Variants in OSBPL1A observed in about 807,000 individuals in gnomAD.
OSBPL1A encodes the protein oxysterol binding protein like 1A.
Under a neutral mutation model 137.1 loss-of-function variants are expected in OSBPL1A, and 80 were observed. The ratio of observed to expected loss-of-function variants is 0.58; its 90% CI spans 0.49 to 0.70. The LOEUF is 0.70. OSBPL1A is among the 30% of genes least tolerant of loss of function. The pLI, the probability that OSBPL1A is intolerant of heterozygous loss-of-function variation, is 0.00. For synonymous variants in OSBPL1A, 365 were observed against 389.7 expected (o/e 0.94, Z 0.75); for missense variants, 970 against 1,129.4 (o/e 0.86, Z 2.02).
At chr18:24,308,378 T>TAAA (rs528492523) in intron 13 of OSBPL1A, among the ~76,000 whole-genome samples, 2 of 141,448 alleles carry the variant, frequency 1.4e-5, no homozygotes, top group African/African-American at 2.6e-5. Context: ...GCCTCAAAAT[T>TAAA]AAAAAAAAAA....
At chr18:24,355,985 CAAAA>C (rs200338021) in intron 4 of OSBPL1A, among the ~76,000 whole-genome samples, 1 of 97,416 alleles carries the variant, frequency 1.0e-5, no homozygotes. Flanking sequence ...ACTCTTGTCT[CAAAA>C]AAAAAAAAAA....
At chr18:24,342,742 A>G (rs948810675) in intron 4 of OSBPL1A, among the ~76,000 whole-genome samples, 16 of 152,148 alleles carry the variant, frequency 1.1e-4, no homozygotes, top group Admixed American at 2.0e-4. Flanking sequence ...TTTCTTACTA[A>G]TCAATTTCCC....
At chr18:24,195,251 T>C (rs1457238930) in intron 18 of OSBPL1A, among the ~76,000 whole-genome samples, 4 of 151,894 alleles carry the variant, frequency 2.6e-5, no homozygotes, top group Non-Finnish European at 2.9e-5. Flanking sequence ...CAGTGAGCCA[T>C]GAGGGCACCA....
chr18:24,345,983 T>C (rs1442114136), intron 4 of OSBPL1A, among the ~76,000 whole-genome samples: 2 of 152,214 alleles, frequency 1.3e-5, no homozygotes, highest in Non-Finnish European at 2.9e-5. Flanking sequence ...ACTGAAAATA[T>C]TCCTGGCTAA....
At chr18:24,337,375 T>TTAACGTAACA (rs1555652914) in intron 5 of OSBPL1A, among the ~76,000 whole-genome samples, 1 of 141,314 alleles carries the variant, frequency 7.1e-6, no homozygotes, top group African/African-American at 2.7e-5. Context: ...AAACATAACA[T>TTAACGTAACA]TAACATAACA....
At chr18:24,241,783 C>T (rs1327684073) in intron 15 of OSBPL1A, among the ~76,000 whole-genome samples, 1 of 152,140 alleles carries the variant, frequency 6.6e-6, no homozygotes, top group African/African-American at 2.4e-5. Flanking sequence ...TGGGTATATA[C>T]CCAAAGGAGT....
In OSBPL1A at chr18:24,166,560, T is replaced by A; in HGVS notation, c.2659+19A>T. 6.3e-7 allele frequency: 1 copy of A among 1,598,828 alleles called. No homozygotes were observed. The highest frequency in any genetic ancestry group is 8.5e-7 in the Non-Finnish European group (1 of 1,175,210). ...CGAGAAATGAGTCTTCACTGGTGGC[T>A]TTGGCGGATGCTAGTTACCTATCTC... is the stretch of plus-strand genomic sequence containing the variant. On this transcript the variant is annotated intron_variant, in intron 26 of 27. Transcript: ENST00000319481.
At chr18:24,267,725 C>A (rs1329537261) in intron 15 of OSBPL1A, among the ~76,000 whole-genome samples, 1 of 152,052 alleles carries the variant, frequency 6.6e-6, no homozygotes, top group African/African-American at 2.4e-5. Context: ...TAAAACTCAA[C>A]ACCCTTTAAT....
At chr18:24,294,516 G>A (rs992606099) in intron 14 of OSBPL1A, among the ~76,000 whole-genome samples, 19 of 152,148 alleles carry the variant, frequency 1.2e-4, no homozygotes, top group African/African-American at 2.4e-4. Context: ...TTACAGGCGT[G>A]AGCCACTGTG....
intron 16 of OSBPL1A, among the ~76,000 whole-genome samples, chr18:24,228,907 A>G (rs925693258): frequency 6.6e-6 from 1 of 152,120 alleles, no homozygotes; most frequent in African/African-American, 2.4e-5. Flanking sequence ...GGATAAATAA[A>G]AAGCAAACAC....
chr18:24,187,239 G>A (rs2086774315), intron 18 of OSBPL1A, among the ~76,000 whole-genome samples: 1 of 152,092 alleles, frequency 6.6e-6, no homozygotes, highest in African/African-American at 2.4e-5. Context: ...TGATGAAGGG[G>A]AAGTAGGGAA....
chr18:24,187,490 C>T (rs1213528160), intron 18 of OSBPL1A, among the ~76,000 whole-genome samples: 1 of 152,148 alleles, frequency 6.6e-6, no homozygotes, highest in Non-Finnish European at 1.5e-5. Flanking sequence ...CTACCTACTG[C>T]TTGCGTGGCA....
intron 4 of OSBPL1A, among the ~76,000 whole-genome samples, chr18:24,351,659 C>A (rs1443889604): frequency 1.3e-5 from 2 of 152,140 alleles, no homozygotes; most frequent in African/African-American, 2.4e-5. Flanking sequence ...CCTGCCCCAG[C>A]CTCCTGAGTA....
chr18:24,314,436 ATGACT>A (rs2090680589), intron 11 of OSBPL1A, 89 bp from the exon 12 acceptor site: 1 of 864,168 alleles, frequency 1.2e-6, no homozygotes, highest in African/African-American at 1.7e-5. Context: ...AAGTAGTGAC[ATGACT>A]TAACGATACC....
intron 25 of OSBPL1A, among the ~76,000 whole-genome samples, 156 bp downstream of exon 25, chr18:24,167,173 G>A (rs2086162552): frequency 6.6e-6 from 1 of 152,172 alleles, no homozygotes; most frequent in African/African-American, 2.4e-5. Context: ...GACGCGCTGA[G>A]CTCAGGCAAG....
intron 16 of OSBPL1A, among the ~76,000 whole-genome samples, chr18:24,230,443 C>T (rs368513292): frequency 1.5e-4 from 23 of 152,202 alleles, no homozygotes; most frequent in African/African-American, 5.3e-4. Context: ...AAAACAACAA[C>T]AAACAAACAA....
At chr18:24,293,437 A>G (rs2090225595) in intron 14 of OSBPL1A, among the ~76,000 whole-genome samples, 1 of 152,138 alleles carries the variant, frequency 6.6e-6, no homozygotes, top group Admixed American at 6.5e-5. Flanking sequence ...AGAGCCTCCC[A>G]TTTGCTGAAT....
intron 1 of OSBPL1A, among the ~76,000 whole-genome samples, chr18:24,384,359 A>G (rs1418979260): frequency 1.3e-5 from 2 of 152,190 alleles, no homozygotes; most frequent in Non-Finnish European, 2.9e-5. Flanking sequence ...AGATCAGTTG[A>G]GGTCAGGAGT....
intron 17 of OSBPL1A, among the ~76,000 whole-genome samples, 156 bp from the exon 18 acceptor site, chr18:24,196,356 G>C (rs192146264): frequency 2.6e-4 from 39 of 152,334 alleles, no homozygotes; most frequent in African/African-American, 8.2e-4. Flanking sequence ...ATCTAGGGTT[G>C]CACCTGTTCA....
Sources: gnomAD v4.1 joint callset for allele counts (sites outside exome capture counted in the v4.1 genomes callset) on GRCh38, gnomAD v4.1.1 for gene constraint, MANE v1.5 for transcripts, NCBI Gene and HGNC (gene_info 2026-07-23, HGNC 2026-07-21) for gene names.